Variants in RNF24 observed in about 807,000 individuals in gnomAD.
RNF24 encodes the protein ring finger protein 24.
In RNF24, 14 loss-of-function variants were observed where a neutral mutation model predicts 20.0. The observed-to-expected ratio is 0.70, with a 90% confidence interval of 0.46 to 1.10. The LOEUF (loss-of-function observed/expected upper bound fraction) is 1.10. Ranked by LOEUF, RNF24 falls within the 50% of genes least tolerant of loss-of-function variation. RNF24 has a pLI of 0.00. For synonymous variants in RNF24, 45 were observed against 61.1 expected (o/e 0.74, Z 1.23); for missense variants, 124 against 177.6 (o/e 0.70, Z 1.71).
At chr20:3,988,457 CT>C (rs71195876) in intron 1 of RNF24, among the ~76,000 whole-genome samples, 61,476 of 99,590 alleles carry the variant, frequency 0.62, 16,903 homozygotes, top group South Asian at 0.71. Flanking sequence ...AAAAGAAACT[CT>C]TTTTTTTTTT....
At position 3,962,773 on chromosome 20, in the gene RNF24, C is replaced by T. The variant is rs139257918; in HGVS notation, c.143+1102G>A. Among the ~76,000 whole-genome samples, 342 of 151,392 alleles carry T rather than the reference C, an allele frequency of 2.3e-3. 2 individuals carry two copies. Among genetic ancestry groups the T allele is most frequent in the African/African-American group, 7.7e-3 (319 of 41,194 alleles). On this transcript the variant is annotated intron_variant, in intron 2 of 5. Transcript: ENST00000358395. ...TTGTCCAGGCTGGACTGCAATGGCA[C>T]GATCTTGGCTCACTGCAATCTCTCC...
rs974615159 is a variant in RNF24, at chr20:3,932,066, A to G, written c.*1997T>C. The stretch of plus-strand genomic sequence containing the variant: ...TTTGCAGTATTGATCATAGGAAGGG[A>G]AAAAACATTCTCTTTCCTATTAGAG... On this transcript the variant is annotated 3_prime_UTR_variant, in exon 6 of 6. Coordinates refer to ENST00000358395, the MANE Select transcript of RNF24 (RefSeq NM_001134337.3). 1 of 152,226 alleles carries G rather than the reference A, an allele frequency of 6.6e-6. No homozygotes were observed. Among genetic ancestry groups the G allele is most frequent in the Non-Finnish European group, 1.5e-5 (1 of 68,046 alleles). The allele number at this position is 152,226 out of a possible 1,614,324, so 9.4% of individuals were successfully genotyped here.
rs2090871177 is a variant in RNF24, at chr20:3,934,888, A to G, written c.308+106T>C. On this transcript the variant is annotated intron_variant, in intron 5 of 5. Coordinates refer to ENST00000358395, the MANE Select transcript of RNF24 (RefSeq NM_001134337.3). This position sits in a 1 kb window ranked among gnomAD's most constrained non-coding sequence, Gnocchi z 4.0. ...TGTCAGCTTTCTGCATTACAGACCA[A>G]TCATGAAGCCATCAAGCTTGTCTGG... The G allele has an allele frequency of 4.7e-6, 4 of 842,496 alleles. No homozygotes were observed. The highest frequency in any genetic ancestry group is 4.0e-6 in the Non-Finnish European group (2 of 501,044). 52.2% of individuals were successfully genotyped at this position (842,496 alleles called of 1,614,324 possible). A position where few individuals can be genotyped will look rare whatever the true frequency, so the allele number is the denominator to read the frequency against.
chr20:4,013,124 T>C (rs556460872), intron 1 of RNF24, among the ~76,000 whole-genome samples: 10 of 152,192 alleles, frequency 6.6e-5, no homozygotes, highest in Admixed American at 4.6e-4. Flanking sequence ...AACCAAAACA[T>C]CCCCAATTGA....
intron 3 of RNF24, among the ~76,000 whole-genome samples, chr20:3,946,016 G>A (rs1351098051): frequency 6.6e-6 from 1 of 152,090 alleles, no homozygotes; most frequent in African/African-American, 2.4e-5. Context: ...GCCTCACAGG[G>A]ATATACTAAA....
At chr20:3,985,495 A>AT (rs556473205) in intron 1 of RNF24, among the ~76,000 whole-genome samples, 34 of 150,816 alleles carry the variant, frequency 2.3e-4, no homozygotes, top group African/African-American at 8.0e-4. Flanking sequence ...CACATTTTGG[A>AT]TTTTTTCTGT....
At chr20:3,980,074 T>G (rs1004639012) in intron 1 of RNF24, among the ~76,000 whole-genome samples, 8 of 152,188 alleles carry the variant, frequency 5.3e-5, no homozygotes, top group Non-Finnish European at 1.2e-4. Flanking sequence ...AAAATTCTTA[T>G]GCAGAGATTT....
rs2090742611 is a variant in RNF24 at position 3,927,611 on chromosome 20, T to C, written c.*6452A>G. The C allele has an allele frequency of 6.6e-6, 1 of 152,106 alleles. No homozygotes were observed. The highest frequency in any genetic ancestry group is 2.4e-5 in the African/African-American group (1 of 41,414). The allele number at this position is 152,106 out of a possible 1,614,324, so 9.4% of individuals were successfully genotyped here. On this transcript the variant is annotated 3_prime_UTR_variant, in exon 6 of 6. Coordinates refer to ENST00000358395, the MANE Select transcript of RNF24 (RefSeq NM_001134337.3). ...CGAAAAAGTGCCCCGTTCCTGGCAA[T>C]GATGTCAGAAGACCAAGAGGCGATA...
chr20:3,982,155 G>A (rs1413818543), intron 1 of RNF24, among the ~76,000 whole-genome samples: 2 of 129,514 alleles, frequency 1.5e-5, no homozygotes, highest in Non-Finnish European at 3.4e-5. Context: ...ATAAATAAAT[G>A]CTATTGTGAA....
chr20:3,942,724 C>T (rs1017679818), intron 4 of RNF24, among the ~76,000 whole-genome samples: 5 of 152,224 alleles, frequency 3.3e-5, no homozygotes, highest in African/African-American at 7.2e-5. Context: ...CCGCCTGCCT[C>T]GGCCTCCCAA....
At chr20:3,946,992 A>G (rs1252133190) in intron 3 of RNF24, among the ~76,000 whole-genome samples, 1 of 152,142 alleles carries the variant, frequency 6.6e-6, no homozygotes, top group Non-Finnish European at 1.5e-5. Context: ...AGAGATCAAG[A>G]CCATCCTGGC....
At chr20:3,939,453 A>G (rs2090929881) in intron 4 of RNF24, among the ~76,000 whole-genome samples, 1 of 152,224 alleles carries the variant, frequency 6.6e-6, no homozygotes, top group African/African-American at 2.4e-5. Context: ...TGAAAAGACT[A>G]TTCTTTTCCC....
chr20:3,983,255 A>G (rs1979581229), intron 1 of RNF24, among the ~76,000 whole-genome samples: 1 of 152,080 alleles, frequency 6.6e-6, no homozygotes, highest in Non-Finnish European at 1.5e-5. Context: ...CATTTATTCT[A>G]GTTTTATTTT....
At chr20:3,978,384 A>G (rs1280695256) in intron 1 of RNF24, among the ~76,000 whole-genome samples, 2 of 73,478 alleles carry the variant, frequency 2.7e-5, no homozygotes, top group Admixed American at 2.2e-4. Context: ...ATATTTCAAA[A>G]TAGCTAGAAG....
chr20:3,949,412 A>G (rs750719808), intron 2 of RNF24, among the ~76,000 whole-genome samples: 17 of 151,730 alleles, frequency 1.1e-4, no homozygotes, highest in Non-Finnish European at 2.4e-4. Context: ...CTGGCCGGAC[A>G]CAGTGGCTCA....
At position 3,932,939 on chromosome 20, in the gene RNF24, CA is replaced by C. The variant is rs2090841787; in HGVS notation, c.*1123del. 1 of 398,452 alleles carries C rather than the reference CA, an allele frequency of 2.5e-6. No homozygotes were observed. The highest frequency in any genetic ancestry group is 4.4e-6 in the Non-Finnish European group (1 of 226,070). 24.7% of individuals were successfully genotyped at this position (398,452 alleles called of 1,614,324 possible). ...TTTCGGAAGTCCAAATACTGAGGCA[CA>C]CACCAACGGTGGACAGCCCTGCAGG... On this transcript the variant is annotated 3_prime_UTR_variant, in exon 6 of 6. Transcript: ENST00000358395.
At chr20:3,948,061 GAA>G (rs1016047485) in intron 3 of RNF24, among the ~76,000 whole-genome samples, 174 bp downstream of exon 3, 3 of 150,582 alleles carry the variant, frequency 2.0e-5, no homozygotes, top group African/African-American at 7.3e-5. Context: ...AAAAAAAAAA[GAA>G]GAGAAGAATA....
chr20:3,931,099 T>C lies in RNF24; in HGVS notation c.*2964A>G, dbSNP rs950898981. ...TTTTGTTCCCTGTTTCTGAAGGCAG[T>C]TGAATTCAGTTGTACCCCTAGCAAC... On this transcript the variant is annotated 3_prime_UTR_variant, in exon 6 of 6. Transcript: ENST00000358395. 6.6e-6 allele frequency: 1 copy of C among 152,248 alleles called. No homozygotes were observed. The highest frequency in any genetic ancestry group is 1.5e-5 in the Non-Finnish European group (1 of 68,058). 9.4% of individuals were successfully genotyped at this position (152,248 alleles called of 1,614,324 possible).
At chr20:3,978,786 G>A (rs1266623823) in intron 1 of RNF24, among the ~76,000 whole-genome samples, 2 of 152,006 alleles carry the variant, frequency 1.3e-5, no homozygotes. Context: ...ACAAAAAAGA[G>A]GACATAAACA....
Sources: gnomAD v4.1 joint callset for allele counts (sites outside exome capture counted in the v4.1 genomes callset) on GRCh38, gnomAD v4.1.1 for gene constraint, Gnocchi (gnomAD v3.1) non-coding constraint, MANE v1.5 for transcripts, NCBI Gene and HGNC (gene_info 2026-07-23, HGNC 2026-07-21) for gene names.